SOCS6: variants seen among roughly 807,000 people sequenced by gnomAD.
SOCS6 encodes the protein suppressor of cytokine signaling 6.
In SOCS6, 5 loss-of-function variants were observed where a neutral mutation model predicts 27.7. The observed-to-expected ratio is 0.18, with a 90% CI of 0.09 to 0.38. SOCS6 has a LOEUF of 0.38. Ranked by LOEUF, SOCS6 falls within the 10% of genes least tolerant of loss-of-function variation. SOCS6 has a pLI of 1.00. For missense variants in SOCS6, 595 were observed against 688.1 expected (o/e 0.86, Z 1.51); for synonymous variants, 271 against 260.0 (o/e 1.04, Z -0.41).
At chr18:70,314,708 TTCATA>T in intron 1 of SOCS6, among the ~76,000 whole-genome samples, 1 of 152,206 alleles carries the variant, frequency 6.6e-6, no homozygotes, top group Non-Finnish European at 1.5e-5. Context: ...GTTTAATCAT[TTCATA>T]AGGATAATTT....
intron 1 of SOCS6, among the ~76,000 whole-genome samples, chr18:70,311,096 T>A (rs2146280488): frequency 6.6e-6 from 1 of 152,296 alleles, no homozygotes; most frequent in African/African-American, 2.4e-5. Flanking sequence ...TTCCTCCTGG[T>A]CTGAGTTAGG....
rs113414969 is a variant in SOCS6 at position 70,302,997 on chromosome 18, A to T, written c.-127+13907A>T. On this transcript the variant is annotated intron_variant, in intron 1 of 1. Coordinates refer to ENST00000397942, the MANE Select transcript of SOCS6 (RefSeq NM_004232.4). The stretch of plus-strand genomic sequence containing the variant: ...ATGGATTTACTCAACCATTTCCTTT[A>T]AAAAAAAGTAAGAACAAACAAGCTC... Among the ~76,000 whole-genome samples, 5 of 138,588 alleles carry T rather than the reference A, an allele frequency of 3.6e-5. No homozygotes were observed. The East Asian group carries it at 9.7e-4, about 27-fold the overall frequency. 90.9% of individuals were successfully genotyped at this position (138,588 alleles called of 152,430 possible). A position where few individuals can be genotyped will look rare whatever the true frequency, so the allele number is the denominator to read the frequency against.
At chr18:70,319,718 T>C (rs1335976114) in intron 1 of SOCS6, among the ~76,000 whole-genome samples, 1 of 152,148 alleles carries the variant, frequency 6.6e-6, no homozygotes, top group African/African-American at 2.4e-5. Context: ...TTTCTAAAAT[T>C]CTTTTTATGA....
chr18:70,317,495 CAT>C lies in SOCS6; in HGVS notation c.-126-7042_-126-7041del, dbSNP rs200580425. The stretch of plus-strand genomic sequence containing the variant: ...ACACATATATACATACATATATACA[CAT>C]ATATACATACATATATACATACATA... On this transcript the variant is annotated intron_variant, in intron 1 of 1. Coordinates refer to ENST00000397942, the MANE Select transcript of SOCS6 (RefSeq NM_004232.4). Among the ~76,000 whole-genome samples, 2 of 133,906 alleles carry C rather than the reference CAT, an allele frequency of 1.5e-5. 1 individual carries two copies. Among genetic ancestry groups the C allele is most frequent in the South Asian group, 5.1e-4 (2 of 3,926 alleles). The allele number at this position is 133,906 out of a possible 152,430, so 87.8% of individuals were successfully genotyped here. A position where few individuals can be genotyped will look rare whatever the true frequency, so the allele number is the denominator to read the frequency against.
At chr18:70,309,108 A>G (rs2062380257) in intron 1 of SOCS6, among the ~76,000 whole-genome samples, 1 of 152,248 alleles carries the variant, frequency 6.6e-6, no homozygotes, top group South Asian at 2.1e-4. Flanking sequence ...TAACAATGCA[A>G]CTTTGTTGCA....
intron 1 of SOCS6, among the ~76,000 whole-genome samples, chr18:70,307,399 T>A (rs926743219): frequency 5.3e-5 from 8 of 152,240 alleles, no homozygotes; most frequent in African/African-American, 1.9e-4. Flanking sequence ...TCTTCTCTGT[T>A]AGCTGAAAGA....
At chr18:70,308,962 C>T (rs2062379753) in intron 1 of SOCS6, among the ~76,000 whole-genome samples, 1 of 152,118 alleles carries the variant, frequency 6.6e-6, no homozygotes. Context: ...TCTGTTGTAG[C>T]CAGCACATAG....
intron 1 of SOCS6, among the ~76,000 whole-genome samples, chr18:70,314,469 A>G (rs2062403528): frequency 6.6e-6 from 1 of 152,156 alleles, no homozygotes; most frequent in Non-Finnish European, 1.5e-5. Context: ...AGATATGTTT[A>G]GATACACAAA....
chr18:70,309,718 C>T (rs1027454120), intron 1 of SOCS6, among the ~76,000 whole-genome samples: 2 of 152,140 alleles, frequency 1.3e-5, no homozygotes, highest in Admixed American at 6.6e-5. Context: ...GAGTCTTGCT[C>T]TGTTGCCTAG....
intron 1 of SOCS6, among the ~76,000 whole-genome samples, chr18:70,303,871 C>G (rs1406256480): frequency 6.6e-6 from 1 of 152,146 alleles, no homozygotes; most frequent in Non-Finnish European, 1.5e-5. Context: ...GCTGATTTGA[C>G]TTTTGGAAAA....
intron 1 of SOCS6, among the ~76,000 whole-genome samples, chr18:70,290,991 G>A (rs887635488): frequency 3.3e-5 from 5 of 152,148 alleles, no homozygotes; most frequent in African/African-American, 1.2e-4. Flanking sequence ...GGCGTAGGGT[G>A]GAAAATGGTG....
At chr18:70,302,763 C>T (rs1013751582) in intron 1 of SOCS6, among the ~76,000 whole-genome samples, 12 of 128,444 alleles carry the variant, frequency 9.3e-5, no homozygotes, top group Non-Finnish European at 1.6e-4. Context: ...TATATATATA[C>T]ACCAGTATAA....
rs1911113374 is a variant in SOCS6, at chr18:70,324,573, A to C, written c.-96A>C. ...GGCTCCAAAGGTTAAATGAAGCAGG[A>C]AAAATACATAGATGCAGCCTTGCAG... is the stretch of plus-strand genomic sequence containing the variant. On this transcript the variant is annotated 5_prime_UTR_variant, in exon 2 of 2. Transcript: ENST00000397942. 4 of 807,504 alleles carry C rather than the reference A, an allele frequency of 5.0e-6. No homozygotes were observed. The Admixed American group carries it at 1.0e-4, about 21-fold the overall frequency. 50.0% of individuals were successfully genotyped at this position (807,504 alleles called of 1,614,324 possible). A position where few individuals can be genotyped will look rare whatever the true frequency, so the allele number is the denominator to read the frequency against.
intron 1 of SOCS6, among the ~76,000 whole-genome samples, chr18:70,307,469 C>T (rs1056531571): frequency 6.6e-5 from 10 of 152,124 alleles, no homozygotes; most frequent in Non-Finnish European, 1.5e-4. Flanking sequence ...GTGAAGCCAC[C>T]CGAGCCTGAC....
intron 1 of SOCS6, among the ~76,000 whole-genome samples, chr18:70,310,468 G>GT (rs1306876861): frequency 0.083 from 8,696 of 104,474 alleles, 364 homozygotes; most frequent in Non-Finnish European, 0.099. Flanking sequence ...TTTTTGTGGG[G>GT]TTTTTTTTTT....
At chr18:70,317,353 T>C (rs577377724) in intron 1 of SOCS6, among the ~76,000 whole-genome samples, 1 of 152,296 alleles carries the variant, frequency 6.6e-6, no homozygotes, top group South Asian at 2.1e-4. Flanking sequence ...GGAAGTTAGT[T>C]ACTTCCATTC....
chr18:70,291,805 T>C (rs1177729500), intron 1 of SOCS6, among the ~76,000 whole-genome samples: 1 of 152,236 alleles, frequency 6.6e-6, no homozygotes, highest in Non-Finnish European at 1.5e-5. Context: ...TGTAAAATTA[T>C]TCATTTTACA....
chr18:70,318,796 TGTG>T (rs973372940), intron 1 of SOCS6, among the ~76,000 whole-genome samples: 4 of 151,724 alleles, frequency 2.6e-5, no homozygotes, highest in African/African-American at 9.7e-5. Flanking sequence ...ATTAGCCAGG[TGTG>T]GTGGTGGGCG....
At chr18:70,293,060 A>C in intron 1 of SOCS6, among the ~76,000 whole-genome samples, 1 of 151,244 alleles carries the variant, frequency 6.6e-6, no homozygotes, top group Non-Finnish European at 1.5e-5. Flanking sequence ...CCCCCCAAAT[A>C]AGTTCTATGA....
Sources: allele counts gnomAD v4.1 joint callset (sites outside exome capture counted in the v4.1 genomes callset), GRCh38; gene constraint gnomAD v4.1.1; transcripts MANE v1.5; gene names NCBI Gene and HGNC (gene_info 2026-07-23, HGNC 2026-07-21).